Variants in OTC observed in about 807,000 individuals in gnomAD.
OTC encodes the protein ornithine transcarbamylase.
Under a neutral mutation model 30.3 loss-of-function variants are expected in OTC, and 3 were observed. The ratio of observed to expected loss-of-function variants is 0.10; its 90% CI spans 0.05 to 0.26. The LOEUF is 0.26. Ranked by LOEUF, OTC falls within the 10% of genes least tolerant of loss-of-function variation. The pLI is 1.00. For synonymous variants in OTC, 111 were observed against 99.7 expected (o/e 1.11, Z -0.67); for missense variants, 194 against 260.3 (o/e 0.75, Z 1.75).
intron 4 of OTC, among the ~76,000 whole-genome samples, chrX:38,388,530 GAAGATTTAAATC>G (rs1323835357): frequency 4.6e-5 from 5 of 109,480 alleles, no homozygotes; most frequent in Non-Finnish European, 9.5e-5. Flanking sequence ...TGATTTTTTA[GAAGATTTAAATC>G]ATATGGAATT....
Position 38,403,868 on chromosome X carries a change from G to A in OTC, c.663+128G>A, listed in dbSNP as rs1602031177. The A allele has an allele frequency of 9.9e-5, 68 of 684,232 alleles. No individual in the cohort carries two copies. The South Asian group carries it at 1.3e-3, about 13-fold the overall frequency. The allele number at this position is 684,232 out of a possible 1,213,427, so 56.4% of individuals were successfully genotyped here. On this transcript the variant is annotated intron_variant, in intron 6 of 9. Coordinates refer to ENST00000039007, the MANE Select transcript of OTC (RefSeq NM_000531.6). ...GGTGAGGCCACAGAATTTAGGTTAC[G>A]TTACCAGCCCTACTATTAAATAGCT... is the stretch of plus-strand genomic sequence containing the variant.
chrX:38,383,854 A>G lies in OTC; in HGVS notation c.386+2425A>G, dbSNP rs770239089. On this transcript the variant is annotated intron_variant, in intron 4 of 9. Coordinates refer to ENST00000039007, the MANE Select transcript of OTC (RefSeq NM_000531.6). ...AGAAAAGAAAACATTGACAACATTG[A>G]CTTGCACGTCAAGAGGTCCCCAGGA... Among the ~76,000 whole-genome samples, 4 of 110,919 alleles carry G rather than the reference A, an allele frequency of 3.6e-5. No individual in the cohort carries two copies. In the South Asian group the frequency reaches 1.5e-3, roughly 43 times the overall value.
chrX:38,389,497 T>C (rs1184160911), intron 4 of OTC, among the ~76,000 whole-genome samples: 1 of 111,893 alleles, frequency 8.9e-6, no homozygotes, highest in African/African-American at 3.2e-5. Context: ...GTAAAATGTT[T>C]TAAAATATTG....
chrX:38,355,519 T>C (rs1424269296), intron 1 of OTC, among the ~76,000 whole-genome samples: 1 of 112,448 alleles, frequency 8.9e-6, no homozygotes, highest in Non-Finnish European at 1.9e-5. Context: ...GTGGAGGTTA[T>C]GGATTGGAGC....
chrX:38,388,495 AC>A (rs11306570), intron 4 of OTC, among the ~76,000 whole-genome samples: 19,300 of 108,339 alleles, frequency 0.18, 1,552 homozygotes, highest in Middle Eastern at 0.26. Flanking sequence ...ACCAGAAGTG[AC>A]CACCTTCGCG....
chrX:38,328,236 C>G, the OTC span, among the ~76,000 whole-genome samples: 1 of 112,287 alleles, frequency 8.9e-6, no homozygotes, highest in African/African-American at 3.2e-5. Flanking sequence ...GATTTACGTA[C>G]GTTTGGTAGT....
chrX:38,385,828 C>T (rs1699542960), intron 4 of OTC, among the ~76,000 whole-genome samples: 1 of 112,212 alleles, frequency 8.9e-6, no homozygotes, highest in South Asian at 3.7e-4. Flanking sequence ...GGTGTGTTGG[C>T]TCACGCCTGT....
intron 3 of OTC, among the ~76,000 whole-genome samples, chrX:38,375,195 C>T (rs896263906): frequency 8.9e-6 from 1 of 111,759 alleles, no homozygotes; most frequent in African/African-American, 3.3e-5. Context: ...AAACAACAGA[C>T]ATAATAAATA....
Position 38,367,361 on chromosome X carries a change from G to A in OTC, c.148G>A (p.Gly50Arg), listed in dbSNP as rs67486158. The change falls in exon 2 of 10, where the codon GGA becomes AGA. Residue 50 changes from glycine to arginine, a missense_variant. Physicochemically the swap from Gly to Arg is moderately radical, Grantham distance 125 (BLOSUM62 -2). Transcript: ENST00000039007. ...CCTTCTCACTCTAAAAAACTTTACCGGAGAAGAAATTAAATATATGCTATG... is the reference window on the plus strand; with the variant it reads ...CCTTCTCACTCTAAAAAACTTTACCAGAGAAGAAATTAAATATATGCTATG... ...RDLLTLKNFT[G>R]EEIKYMLWLS... 29 of 1,197,395 alleles carry A rather than the reference G, an allele frequency of 2.4e-5. No individual in the cohort carries two copies. The East Asian group carries it at 3.0e-4, about 12-fold the overall frequency.
chrX:38,399,287 T>A (rs996808301), intron 4 of OTC, among the ~76,000 whole-genome samples: 2 of 111,263 alleles, frequency 1.8e-5, no homozygotes, highest in African/African-American at 3.3e-5. Context: ...ATGCTGATGT[T>A]GCTACTCTGA....
At chrX:38,339,776 A>G in the OTC span, among the ~76,000 whole-genome samples, 1 of 111,632 alleles carries the variant, frequency 9.0e-6, no homozygotes, top group Non-Finnish European at 1.9e-5. Flanking sequence ...AAATGCATAT[A>G]AAAATCAAGG....
chrX:38,376,533 G>A (rs1433817754), intron 3 of OTC, among the ~76,000 whole-genome samples: 1 of 111,703 alleles, frequency 9.0e-6, no homozygotes, highest in Non-Finnish European at 1.9e-5. Flanking sequence ...GAGTCTGGAA[G>A]TTCTCCTCTT....
At chrX:38,331,181 G>T in the OTC span, among the ~76,000 whole-genome samples, 2 of 111,837 alleles carry the variant, frequency 1.8e-5, no homozygotes, top group African/African-American at 6.5e-5. Flanking sequence ...GTGTCATCCT[G>T]ACCCCATGTA....
At chrX:38,336,864 G>A in the OTC span, among the ~76,000 whole-genome samples, 1 of 111,481 alleles carries the variant, frequency 9.0e-6, no homozygotes, top group Non-Finnish European at 1.9e-5. Context: ...AAACAAGGTA[G>A]TTCTCTCTCC....
At chrX:38,403,377 CTT>C (rs1250125042) in intron 5 of OTC, among the ~76,000 whole-genome samples, 1 of 111,502 alleles carries the variant, frequency 9.0e-6, no homozygotes, top group Non-Finnish European at 1.9e-5. Flanking sequence ...GTATGAAACT[CTT>C]AGTCTCTGTT....
At position 38,381,400 on chromosome X, in the gene OTC, T is replaced by C. The variant is rs2068375897; in HGVS notation, c.357T>C (p.Gly119=). 6 of 1,202,937 alleles carry C rather than the reference T, an allele frequency of 5.0e-6. No homozygotes were observed. Among genetic ancestry groups the C allele is most frequent in the Middle Eastern group, 2.3e-4 (1 of 4,328 alleles). Residue 119 remains glycine (G), a synonymous_variant, in exon 4 of 10, where the codon GGT becomes GGC. Coordinates refer to ENST00000039007, the MANE Select transcript of OTC (RefSeq NM_000531.6). The stretch of plus-strand genomic sequence containing the variant: ...TTACCACACAAGATATTCATTTGGG[T>C]GTGAATGAAAGTCTCACGGACACGG... ...CFLTTQDIHL[G]VNESLTDTAR... is the part of the protein sequence containing the mutation.
intron 5 of OTC, among the ~76,000 whole-genome samples, chrX:38,402,900 C>T (rs1362918352): frequency 1.2e-4 from 13 of 110,921 alleles, no homozygotes; most frequent in East Asian, 2.8e-4. Context: ...CTGCAACCTC[C>T]GCCTCCCGGG....
chrX:38,352,507 C>T (rs1569270773), upstream of OTC: 39 of 421,908 alleles, frequency 9.2e-5, no homozygotes, highest in East Asian at 1.6e-3. Flanking sequence ...GCATAAAGTT[C>T]AAATGCTCCT....
intron 4 of OTC, among the ~76,000 whole-genome samples, chrX:38,385,527 TACGCAATGCTGTAGGAAGAGTGTC>T (rs1482159978): frequency 9.0e-6 from 1 of 111,459 alleles, no homozygotes; most frequent in Non-Finnish European, 1.9e-5. Flanking sequence ...CAGAGCCAGG[TACGCAATGCTGTAGGAAGAGTGTC>T]ACAGAAAGAA....
Sources: gnomAD v4.1 joint callset for allele counts (sites outside exome capture counted in the v4.1 genomes callset) on GRCh38, gnomAD v4.1.1 for gene constraint, MANE v1.5 for transcripts, NCBI Gene and HGNC (gene_info 2026-07-23, HGNC 2026-07-21) for gene names.